GALNT18: variants seen among roughly 807,000 people sequenced by gnomAD.
The protein encoded by GALNT18 is polypeptide N-acetylgalactosaminyltransferase 18.
GALNT18 carries 44 observed loss-of-function variants against 69.5 expected under a neutral mutation model. That is an observed-to-expected ratio of 0.63 (90% CI 0.50 to 0.81). GALNT18 has a LOEUF of 0.81. Among genes scored for constraint, GALNT18 ranks in the 40% least tolerant of loss-of-function variants. The pLI, the probability that GALNT18 is intolerant of heterozygous loss-of-function variation, is 0.00. For missense variants in GALNT18, 715 were observed against 810.0 expected, an observed-to-expected ratio of 0.88 and a Z score of 1.42; for synonymous variants, 364 against 318.2, an observed-to-expected ratio of 1.14 and a Z score of -1.53.
chr11:11,281,104 C>T (rs1849063807), intron 10 of GALNT18, among the ~76,000 whole-genome samples: 2 of 152,214 alleles, frequency 1.3e-5, no homozygotes, highest in South Asian at 4.1e-4. Flanking sequence ...GGTTTGTCTT[C>T]CCCACCATGC....
At position 11,510,164 on chromosome 11, in the gene GALNT18, C is replaced by T. The variant is rs116254980; in HGVS notation, c.236-61228G>A. On this transcript the variant is annotated intron_variant, in intron 1 of 10. Transcript: ENST00000227756. ...TTACCACCAAGTCACAGAGACCACG[C>T]TGATGGATCTGAAGCACCCAAGATT... Among the ~76,000 whole-genome samples the T allele has an allele frequency of 7.5e-3, 1,146 of 152,300 alleles. 10 individuals carry two copies. The highest frequency in any genetic ancestry group is 0.026 in the African/African-American group (1,090 of 41,562).
At chr11:11,512,087 C>T (rs532277540) in intron 1 of GALNT18, among the ~76,000 whole-genome samples, 78 of 152,316 alleles carry the variant, frequency 5.1e-4, no homozygotes, top group Non-Finnish European at 9.4e-4. Context: ...TTCACAGATT[C>T]CCTAAAGCCC....
At chr11:11,317,995 C>G (rs1205880078) in intron 9 of GALNT18, among the ~76,000 whole-genome samples, 2 of 152,172 alleles carry the variant, frequency 1.3e-5, no homozygotes, top group African/African-American at 4.8e-5. Flanking sequence ...TCTTATTTGT[C>G]AGAGATGACA....
At position 11,469,864 on chromosome 11, in the gene GALNT18, C is replaced by T. The variant is rs529162029; in HGVS notation, c.236-20928G>A. The stretch of plus-strand genomic sequence containing the variant: ...CCTCAGCCTGTCTTCCACTCAGCTC[C>T]ATTGGAGAAGAGCATATTTAAGGAC... On this transcript the variant is annotated intron_variant, in intron 1 of 10. Transcript: ENST00000227756. The surrounding 1 kb of genome is among the most constrained non-coding windows in gnomAD (Gnocchi z 4.2). Among the ~76,000 whole-genome samples, 2 of 152,186 alleles carry T rather than the reference C, an allele frequency of 1.3e-5. No homozygotes were observed. Among genetic ancestry groups the T allele is most frequent in the Non-Finnish European group, 2.9e-5 (2 of 68,034 alleles).
chr11:11,435,629 G>A lies in GALNT18; in HGVS notation c.429-2842C>T, dbSNP rs770437330. 1.3e-3 allele frequency among the ~76,000 whole-genome samples: 192 copies of A among 152,158 alleles called. No homozygotes were observed. The highest frequency in any genetic ancestry group is 1.1e-3 in the Non-Finnish European group (78 of 68,028). ...TGCTGTCTCCCAACCTTGGACCACAGTCTGGCACTTAGTAGGCACTCCATG... is the reference window on the plus strand; with the variant it reads ...TGCTGTCTCCCAACCTTGGACCACAATCTGGCACTTAGTAGGCACTCCATG... On this transcript the variant is annotated intron_variant, in intron 2 of 10. Coordinates refer to ENST00000227756, the MANE Select transcript of GALNT18 (RefSeq NM_198516.3). This position sits in a 1 kb window ranked among gnomAD's most constrained non-coding sequence, Gnocchi z 4.4.
At chr11:11,353,929 T>TGACTATGTGTCTGGC (rs1850473776) in intron 6 of GALNT18, among the ~76,000 whole-genome samples, 1 of 152,148 alleles carries the variant, frequency 6.6e-6, no homozygotes, top group Non-Finnish European at 1.5e-5. Context: ...GAATGTCTGG[T>TGACTATGTGTCTGGC]GTCTATGTGT....
At chr11:11,576,735 C>T (rs754247730) in intron 1 of GALNT18, among the ~76,000 whole-genome samples, 12 of 152,194 alleles carry the variant, frequency 7.9e-5, no homozygotes, top group African/African-American at 2.4e-4. Context: ...CTAATGAGAT[C>T]GGGGTCTGCG....
chr11:11,377,489 C>G lies in GALNT18; in HGVS notation c.780-110G>C, dbSNP rs1282607743. 15 of 911,706 alleles carry G rather than the reference C, an allele frequency of 1.6e-5. No individual in the cohort carries two copies. The highest frequency in any genetic ancestry group is 2.1e-5 in the Non-Finnish European group (12 of 579,688). 56.5% of individuals were successfully genotyped at this position (911,706 alleles called of 1,614,324 possible). On this transcript the variant is annotated intron_variant, in intron 4 of 10. Coordinates refer to ENST00000227756, the MANE Select transcript of GALNT18 (RefSeq NM_198516.3). This position sits in a 1 kb window ranked among gnomAD's most constrained non-coding sequence, Gnocchi z 4.6. ...AGCAGAAAGAGGAAGGAAGGCCTGC[C>G]CATCTCCTCTGATGGAGAGGTGCAC...
At chr11:11,395,322 A>G (rs987297082) in intron 3 of GALNT18, among the ~76,000 whole-genome samples, 4 of 152,248 alleles carry the variant, frequency 2.6e-5, no homozygotes, top group African/African-American at 9.6e-5. Flanking sequence ...AAGAGGAAAC[A>G]GGAAGAAGGA....
At chr11:11,290,578 G>A (rs1170521630) in intron 10 of GALNT18, among the ~76,000 whole-genome samples, 1 of 152,154 alleles carries the variant, frequency 6.6e-6, no homozygotes, top group East Asian at 1.9e-4. Flanking sequence ...TGCTTTCGAT[G>A]TCACAACTTT....
rs972822636 is a variant in GALNT18, at chr11:11,383,122, C to T, written c.596-3858G>A. Among the ~76,000 whole-genome samples the T allele has an allele frequency of 6.6e-6, 1 of 152,184 alleles. No individual in the cohort carries two copies. The highest frequency in any genetic ancestry group is 1.9e-4 in the East Asian group (1 of 5,172). ...AGCAGTGATGAAACACCACTCACTCCTGGGAGGTCACAGGCCACTCTCCAC... is the reference window on the plus strand; with the variant it reads ...AGCAGTGATGAAACACCACTCACTCTTGGGAGGTCACAGGCCACTCTCCAC... On this transcript the variant is annotated intron_variant, in intron 3 of 10. Transcript: ENST00000227756. The surrounding 1 kb of genome is among the most constrained non-coding windows in gnomAD (Gnocchi z 5.2).
chr11:11,506,953 A>T (rs1857079670), intron 1 of GALNT18, among the ~76,000 whole-genome samples: 3 of 152,210 alleles, frequency 2.0e-5, no homozygotes, highest in Non-Finnish European at 2.9e-5. Flanking sequence ...GACAAGAAAA[A>T]GTACAGGACA....
intron 1 of GALNT18, among the ~76,000 whole-genome samples, chr11:11,490,280 C>T (rs1361174057): frequency 6.7e-6 from 1 of 148,298 alleles, no homozygotes; most frequent in Non-Finnish European, 1.5e-5. Context: ...CTCCTTCCAC[C>T]ATGGGATAAT....
intron 3 of GALNT18, among the ~76,000 whole-genome samples, chr11:11,412,116 C>T (rs1338139504): frequency 3.3e-5 from 5 of 152,178 alleles, no homozygotes; most frequent in Admixed American, 6.5e-5. Flanking sequence ...ACTATAGTAA[C>T]GTGGCTCCAG....
chr11:11,384,290 A>G (rs1853997220), intron 3 of GALNT18, among the ~76,000 whole-genome samples: 1 of 152,128 alleles, frequency 6.6e-6, no homozygotes, highest in Non-Finnish European at 1.5e-5. Flanking sequence ...TGCTGCAACT[A>G]AGAATACCTG....
intron 10 of GALNT18, among the ~76,000 whole-genome samples, chr11:11,274,131 G>C (rs113735146): frequency 1.3e-5 from 2 of 152,110 alleles, no homozygotes; most frequent in Admixed American, 6.6e-5. Flanking sequence ...AGAGTGTACC[G>C]GGAGGAACAG....
intron 10 of GALNT18, among the ~76,000 whole-genome samples, chr11:11,279,156 A>ACTCT (rs1046430531): frequency 1.3e-5 from 2 of 151,322 alleles, no homozygotes; most frequent in Admixed American, 6.6e-5. Context: ...TCCTCTCACC[A>ACTCT]CTCTCTCTCC....
At position 11,546,980 on chromosome 11, in the gene GALNT18, G is replaced by T. The variant is rs1858068589; in HGVS notation, c.235+74379C>A. On this transcript the variant is annotated intron_variant, in intron 1 of 10. Coordinates refer to ENST00000227756, the MANE Select transcript of GALNT18 (RefSeq NM_198516.3). The surrounding 1 kb of genome is among the most constrained non-coding windows in gnomAD (Gnocchi z 5.8). Reference sequence around the variant, plus strand: ...TTTTCATCTGATGCCTCTCTGGGAGGCAGACAGCCTGACCAGACATTTTCA... The same window carrying T: ...TTTTCATCTGATGCCTCTCTGGGAGTCAGACAGCCTGACCAGACATTTTCA... 6.6e-6 allele frequency among the ~76,000 whole-genome samples: 1 copy of T among 151,948 alleles called. No homozygotes were observed. Among genetic ancestry groups the T allele is most frequent in the Admixed American group, 6.6e-5 (1 of 15,262 alleles).
chr11:11,449,205 C>A (rs925388605), intron 1 of GALNT18, among the ~76,000 whole-genome samples: 1 of 152,210 alleles, frequency 6.6e-6, no homozygotes, highest in Non-Finnish European at 1.5e-5. Flanking sequence ...GACATTGATG[C>A]CCCATGGCTT....
Sources: allele counts gnomAD v4.1 joint callset (sites outside exome capture counted in the v4.1 genomes callset), GRCh38; gene constraint gnomAD v4.1.1; non-coding constraint Gnocchi (gnomAD v3.1); transcripts MANE v1.5; gene names NCBI Gene and HGNC (gene_info 2026-07-23, HGNC 2026-07-21).